The following MED25 variants were observed in gnomAD, a reference collection of about 807,000 sequenced individuals.
MED25 encodes mediator complex subunit 25.
A neutral mutation model predicts 89.4 loss-of-function variants in MED25; 62 were observed. The observed-to-expected ratio is 0.69, with a 90% CI of 0.57 to 0.86. The LOEUF is 0.86. Among genes scored for constraint, MED25 ranks in the 40% least tolerant of loss-of-function variants. The pLI is 0.00. For synonymous variants in MED25, 449 were observed against 427.9 expected (o/e 1.05, Z -0.61); for missense variants, 905 against 1,005.2 (o/e 0.90, Z 1.35).
At chr19:49,821,292 T>C (rs2073979855) in intron 3 of MED25, among the ~76,000 whole-genome samples, 1 of 152,190 alleles carries the variant, frequency 6.6e-6, no homozygotes, top group African/African-American at 2.4e-5. Flanking sequence ...CAGGCCTCTC[T>C]TGTTTTTGAG....
rs747960585 is a variant in MED25, at chr19:49,836,337, C to T, written c.2077C>T (p.Pro693Ser). 4 of 1,609,852 alleles carry T rather than the reference C, an allele frequency of 2.5e-6. No homozygotes were observed. The South Asian group carries it at 4.4e-5, about 18-fold the overall frequency. Residue 693 changes from proline to serine, a missense_variant, in exon 17 of 18, where the codon CCC becomes TCC. Physicochemically the swap from Pro to Ser is moderately conservative, Grantham distance 74. Around this residue, in one of 3 missense-constraint regions of MED25, gnomAD observed 271 missense variants for 258.1 expected, o/e 1.05. Coordinates refer to ENST00000312865, the MANE Select transcript of MED25 (RefSeq NM_030973.4). This position sits in a 1 kb window ranked among gnomAD's most constrained non-coding sequence, Gnocchi z 5.1. The stretch of plus-strand genomic sequence containing the variant: ...GGGCCTGGGGCAGCCCCAGTTGGGG[C>T]CCCCACTCCTGCATCCACCACCTGC... ...HQGLGQPQLG[P>S]PLLHPPPAQS...
In MED25 at chr19:49,831,246, C is replaced by A. The variant is rs942030373; in HGVS notation, c.1102-87C>A. 1.4e-6 allele frequency: 2 copies of A among 1,420,078 alleles called. No homozygotes were observed. Among genetic ancestry groups the A allele is most frequent in the African/African-American group, 2.8e-5 (2 of 70,784 alleles). 88.0% of individuals were successfully genotyped at this position (1,420,078 alleles called of 1,614,324 possible). ...GGAGGGGCAGAAGAAGGGATCTTTC[C>A]TCCTTCCTGGTTTGCCCTCACAGGA... On this transcript the variant is annotated intron_variant, in intron 9 of 17. Transcript: ENST00000312865. This position sits in a 1 kb window ranked among gnomAD's most constrained non-coding sequence, Gnocchi z 5.0.
intron 12 of MED25, 29 bp downstream of exon 12, chr19:49,832,186 T>C (rs2123882602): frequency 1.2e-6 from 2 of 1,609,458 alleles, no homozygotes; most frequent in Non-Finnish European, 1.7e-6. Context: ...CCAGCCCTGC[T>C]GCCGGGCAGT....
chr19:49,825,486 T>C (rs2074009866), intron 3 of MED25, among the ~76,000 whole-genome samples: 1 of 151,982 alleles, frequency 6.6e-6, no homozygotes, highest in Admixed American at 6.5e-5. Flanking sequence ...CCTCAAGTGA[T>C]CCGCCCACCT....
intron 2 of MED25, 111 bp downstream of exon 2, chr19:49,818,727 G>T (rs1368757822): frequency 9.5e-7 from 1 of 1,054,176 alleles, no homozygotes; most frequent in Non-Finnish European, 1.5e-6. Flanking sequence ...GAGGGAGGAG[G>T]GGCTGGGGGT....
rs1365007303 is a variant in MED25, at chr19:49,830,083, C to G, written c.689-5C>G. 1 of 1,605,582 alleles carries G rather than the reference C, an allele frequency of 6.2e-7. No individual in the cohort carries two copies. The highest frequency in any genetic ancestry group is 8.5e-7 in the Non-Finnish European group (1 of 1,176,610). ...TCTGGGGTTGGCCATCCCTCCTGCT[C>G]TCAGTTGGGGGTGGCTCAGCCCCAG... On this transcript the variant is annotated splice_polypyrimidine_tract_variant and splice_region_variant and intron_variant, in intron 6 of 17. Transcript: ENST00000312865. This position sits in a 1 kb window ranked among gnomAD's most constrained non-coding sequence, Gnocchi z 4.6.
chr19:49,835,926 T>G lies in MED25; in HGVS notation c.1946T>G (p.Leu649Arg), dbSNP rs749649670. The G allele has an allele frequency of 2.3e-5, 37 of 1,612,658 alleles. No individual in the cohort carries two copies. The highest frequency in any genetic ancestry group is 4.0e-5 in the African/African-American group (3 of 74,880). ...GGGGCCAACCCTCAGCTGCGAAGCC[T>G]CCTCCTCAACCCACCACCGGTGAGA... ...NPGANPQLRS[L>R]LLNPPPPQTG... is the part of the protein sequence containing the mutation. The change falls in exon 16 of 18, where the codon CTC (leucine) becomes CGC (arginine). Residue 649 changes from leucine (L) to arginine (R), a missense_variant. Around this residue, in one of 3 missense-constraint regions of MED25, gnomAD observed 271 missense variants for 258.1 expected, o/e 1.05. Transcript: ENST00000312865. The surrounding 1 kb of genome is among the most constrained non-coding windows in gnomAD (Gnocchi z 6.2).
Position 49,835,906 on chromosome 19 carries a change from C to T in MED25, c.1926C>T (p.Ala642=), listed in dbSNP as rs200732927. Residue 642 remains alanine (A), a synonymous_variant, in exon 16 of 18, where the codon GCC becomes GCT. Transcript: ENST00000312865. This position sits in a 1 kb window ranked among gnomAD's most constrained non-coding sequence, Gnocchi z 6.2. ...TCCTTCGGCCCCAGAACCCTGGGGC[C>T]AACCCTCAGCTGCGAAGCCTCCTCC... The part of the protein sequence containing the change: ...GPILRPQNPG[A]NPQLRSLLLN... The T allele has an allele frequency of 5.0e-6, 8 of 1,612,894 alleles. No individual in the cohort carries two copies. In the Admixed American group the frequency reaches 1.2e-4, roughly 24 times the overall value.
In MED25 at chr19:49,830,972, CA is replaced by C. The variant is rs752348112; in HGVS notation, c.1101+86del. The C allele has an allele frequency of 1.0e-5, 15 of 1,432,782 alleles. No individual in the cohort carries two copies. Among genetic ancestry groups the C allele is most frequent in the East Asian group, 4.5e-5 (2 of 44,206 alleles). 88.8% of individuals were successfully genotyped at this position (1,432,782 alleles called of 1,614,324 possible). A position where few individuals can be genotyped will look rare whatever the true frequency, so the allele number is the denominator to read the frequency against. ...GTTAGAGGATGAGTCATTTGCCTTC[CA>C]GGGGGATGTGGCTCTCGTGGTTCTG... On this transcript the variant is annotated intron_variant, in intron 9 of 17. Coordinates refer to ENST00000312865, the MANE Select transcript of MED25 (RefSeq NM_030973.4). The surrounding 1 kb of genome is among the most constrained non-coding windows in gnomAD (Gnocchi z 4.6).
At chr19:49,822,965 C>T (rs1242239278) in intron 3 of MED25, among the ~76,000 whole-genome samples, 2 of 151,746 alleles carry the variant, frequency 1.3e-5, no homozygotes, top group African/African-American at 4.8e-5. Flanking sequence ...GTTTTTTAAC[C>T]TGAGACAGGG....
downstream of MED25, chr19:49,839,806 C>T (rs1482645105): frequency 6.6e-6 from 1 of 152,188 alleles, no homozygotes; most frequent in Non-Finnish European, 1.5e-5. Flanking sequence ...TCACCTACGT[C>T]CTGGGGTTGA....
At position 49,836,293 on chromosome 19, in the gene MED25, T is replaced by G; in HGVS notation, c.2033T>G (p.Leu678Arg). 1 of 1,611,868 alleles carries G rather than the reference T, an allele frequency of 6.2e-7. No homozygotes were observed. Among genetic ancestry groups the G allele is most frequent in the Non-Finnish European group, 8.5e-7 (1 of 1,179,560 alleles). Reference protein sequence around the residue: ...HHLQPPGAPALLPPPHQGLGQ... With the variant: ...HHLQPPGAPARLPPPHQGLGQ... ...CTCCAGCCACCAGGGGCTCCTGCGC[T>G]GCTGCCTCCGCCGCACCAGGGCCTG... is the stretch of plus-strand genomic sequence containing the variant. The change falls in exon 17 of 18, where the codon CTG (leucine) becomes CGG (arginine). Residue 678 changes from leucine (L) to arginine (R), a missense_variant. This residue lies in a region of MED25 where 271 missense variants were observed against 258.1 expected (regional missense o/e 1.05). Coordinates refer to ENST00000312865, the MANE Select transcript of MED25 (RefSeq NM_030973.4). The surrounding 1 kb of genome is among the most constrained non-coding windows in gnomAD (Gnocchi z 5.1).
Position 49,829,835 on chromosome 19 carries a change from G to A in MED25, c.575G>A (p.Arg192Gln), listed in dbSNP as rs753164820. The part of the protein sequence containing the change: ...IVSPRKLPAL[R>Q]LLFEKAAPPA... ...TCTCCCCGGAAGCTGCCTGCGCTTC[G>A]GCTTCTGTTTGAGAAGGCAGCCCCC... The change falls in exon 6 of 18, where the codon CGG (arginine) becomes CAG (glutamine). Residue 192 changes from arginine (R) to glutamine (Q), a missense_variant. Arg to Gln is a conservative substitution (Grantham distance 43). Coordinates refer to ENST00000312865, the MANE Select transcript of MED25 (RefSeq NM_030973.4). The surrounding 1 kb of genome is among the most constrained non-coding windows in gnomAD (Gnocchi z 4.6). 6.2e-6 allele frequency: 10 copies of A among 1,610,446 alleles called. No individual in the cohort carries two copies. The highest frequency in any genetic ancestry group is 3.4e-5 in the Admixed American group (2 of 59,456).
At chr19:49,839,268 C>T (rs909338868), downstream of MED25, 4 of 170,034 alleles carry the variant, frequency 2.4e-5, no homozygotes, top group South Asian at 4.0e-4. Flanking sequence ...GCCAGAGTTC[C>T]GAAGCACAAC....
At chr19:49,819,596 C>G in intron 3 of MED25, 1 of 401,624 alleles carries the variant, frequency 2.5e-6, no homozygotes, top group South Asian at 2.1e-5. Context: ...GTGGTGGCTT[C>G]TGTGTGCTCA....
chr19:49,829,012 C>T lies in MED25; in HGVS notation c.447C>T (p.Pro149=), dbSNP rs543246660. 1.2e-6 allele frequency: 2 copies of T among 1,614,002 alleles called. No individual in the cohort carries two copies. Among genetic ancestry groups the T allele is most frequent in the African/African-American group, 2.7e-5 (2 of 74,910 alleles). Residue 149 remains proline (P), a synonymous_variant, in exon 5 of 18, where the codon CCC becomes CCT. Coordinates refer to ENST00000312865, the MANE Select transcript of MED25 (RefSeq NM_030973.4). This position sits in a 1 kb window ranked among gnomAD's most constrained non-coding sequence, Gnocchi z 4.6. ...HRVCLLICNS[P]PYLLPAVEST... ...TCTGCCTCCTCATCTGCAACTCACC[C>T]CCATACTTGTTGCCTGCTGTTGAGA...
In MED25 at chr19:49,830,677, C is replaced by T. The variant is rs778037401; in HGVS notation, c.908-17C>T. On this transcript the variant is annotated splice_polypyrimidine_tract_variant and intron_variant, in intron 8 of 17. Coordinates refer to ENST00000312865, the MANE Select transcript of MED25 (RefSeq NM_030973.4). This position sits in a 1 kb window ranked among gnomAD's most constrained non-coding sequence, Gnocchi z 4.6. ...CACACACTTGTTCCCCACTTCTTCC[C>T]TTGGTCTCTCCCACAGTCTCGCCCA... The T allele has an allele frequency of 9.3e-6, 15 of 1,613,884 alleles. No homozygotes were observed. The highest frequency in any genetic ancestry group is 1.2e-5 in the Non-Finnish European group (14 of 1,179,756).
At chr19:49,839,097 C>A (rs760774270), downstream of MED25, 1 of 283,262 alleles carries the variant, frequency 3.5e-6, no homozygotes, top group African/African-American at 2.2e-5. Flanking sequence ...CCTTTTCTTT[C>A]GCTGCTCATA....
At position 49,835,552 on chromosome 19, in the gene MED25, C is replaced by A. The variant is rs2074089655; in HGVS notation, c.1693C>A (p.Pro565Thr). The change falls in exon 15 of 18, where the codon CCC becomes ACC. Residue 565 changes from proline (P) to threonine (T), a missense_variant. By Grantham distance (38) the Pro-to-Thr change is conservative. Transcript: ENST00000312865. This position sits in a 1 kb window ranked among gnomAD's most constrained non-coding sequence, Gnocchi z 6.2. Reference sequence around the variant, plus strand: ...CGTGCAGATGGGGGGACAGCAGGCACCCCCAGGGCTGGGGCCCATTCTGGA... The same window carrying A: ...CGTGCAGATGGGGGGACAGCAGGCAACCCCAGGGCTGGGGCCCATTCTGGA... Reference protein sequence around the residue: ...QQRGMGGQQAPPGLGPILEDQ... With the variant: ...QQRGMGGQQATPGLGPILEDQ... 1 of 1,564,254 alleles carries A rather than the reference C, an allele frequency of 6.4e-7. No homozygotes were observed. Among genetic ancestry groups the A allele is most frequent in the Non-Finnish European group, 8.7e-7 (1 of 1,154,894 alleles).
Sources: gnomAD v4.1 joint callset for allele counts (sites outside exome capture counted in the v4.1 genomes callset) on GRCh38, gnomAD v4.1.1 for gene constraint, gnomAD v4.1.1 regional missense constraint, Gnocchi (gnomAD v3.1) non-coding constraint, MANE v1.5 for transcripts, NCBI Gene and HGNC (gene_info 2026-07-23, HGNC 2026-07-21) for gene names.